The following CFAP299 variants were observed in gnomAD, a reference collection of about 807,000 sequenced individuals.
CFAP299 encodes cilia and flagella associated protein 299, also known as cilia- and flagella-associated protein 299.
In CFAP299, 21 loss-of-function variants were observed where a neutral mutation model predicts 27.0. That is an observed-to-expected ratio of 0.78 (90% CI 0.55 to 1.12). CFAP299 has a LOEUF of 1.12. CFAP299 is among the 50% of genes most tolerant of loss of function. The probability of loss-of-function intolerance (pLI) is 0.00; values close to 1 mark genes in which losing one functional copy is unlikely to be tolerated. For synonymous variants in CFAP299, 104 were observed against 98.1 expected (o/e 1.06, Z -0.36); for missense variants, 310 against 276.6 (o/e 1.12, Z -0.86).
intron 3 of CFAP299, among the ~76,000 whole-genome samples, chr4:80,858,255 C>A (rs1191130937): frequency 6.6e-6 from 1 of 151,806 alleles, no homozygotes; most frequent in African/African-American, 2.4e-5. Flanking sequence ...GTGGTGATAT[C>A]CCCTTTATCA....
chr4:80,935,145 G>A (rs1366403645), intron 4 of CFAP299, among the ~76,000 whole-genome samples: 4 of 151,932 alleles, frequency 2.6e-5, no homozygotes, highest in Admixed American at 6.6e-5. Context: ...GGTTAGGAAC[G>A]TGGTGTTTGA....
intron 5 of CFAP299, among the ~76,000 whole-genome samples, chr4:80,958,957 T>G (rs1208411742): frequency 6.6e-6 from 1 of 152,196 alleles, no homozygotes; most frequent in Non-Finnish European, 1.5e-5. Flanking sequence ...AACAGTACTA[T>G]CAATAAACTA....
At chr4:80,777,002 CT>C (rs1202543946) in intron 3 of CFAP299, among the ~76,000 whole-genome samples, 1 of 151,686 alleles carries the variant, frequency 6.6e-6, no homozygotes, top group Non-Finnish European at 1.5e-5. Flanking sequence ...TAATTGTTTC[CT>C]TTTTTGATGA....
At chr4:80,346,282 G>C in intron 1 of CFAP299, among the ~76,000 whole-genome samples, 1 of 152,180 alleles carries the variant, frequency 6.6e-6, no homozygotes, top group Non-Finnish European at 1.5e-5. Flanking sequence ...AGTTTAATGA[G>C]ATCCCATTTG....
chr4:80,610,738 T>G (rs554023972), intron 3 of CFAP299, among the ~76,000 whole-genome samples: 1 of 152,062 alleles, frequency 6.6e-6, no homozygotes, highest in East Asian at 1.9e-4. Context: ...TGCAAACCCA[T>G]CGATTCTATT....
At chr4:80,706,587 G>A (rs771354801) in intron 3 of CFAP299, among the ~76,000 whole-genome samples, 6 of 151,838 alleles carry the variant, frequency 4.0e-5, no homozygotes, top group Non-Finnish European at 5.9e-5. Context: ...TTAAAATTTT[G>A]TAGATACATT....
At position 80,555,846 on chromosome 4, in the gene CFAP299, C is replaced by T. The variant is rs115573510; in HGVS notation, c.243-27247C>T. On this transcript the variant is annotated intron_variant, in intron 2 of 5. Transcript: ENST00000358105. ...TTTCTGTGGGGCCAGTGGTAACATTCCTATCATTTCTAGTTGTGTTTATTT... is the reference window on the plus strand; with the variant it reads ...TTTCTGTGGGGCCAGTGGTAACATTTCTATCATTTCTAGTTGTGTTTATTT... Among the ~76,000 whole-genome samples the T allele has an allele frequency of 6.8e-3, 1,040 of 152,044 alleles. 13 individuals are homozygous for T. The highest frequency in any genetic ancestry group is 0.024 in the African/African-American group (998 of 41,510).
chr4:80,362,702 A>G (rs1723613151), intron 1 of CFAP299, 52 bp from the exon 2 acceptor site: 2 of 1,536,838 alleles, frequency 1.3e-6, no homozygotes, highest in Non-Finnish European at 1.7e-6. Context: ...TAAGTAAGTA[A>G]AAATAGTATG....
chr4:80,922,455 C>T (rs1192899704), intron 4 of CFAP299, among the ~76,000 whole-genome samples: 14 of 151,992 alleles, frequency 9.2e-5, no homozygotes, highest in African/African-American at 4.8e-5. Flanking sequence ...AGTTTGCAGA[C>T]TCATTCTATG....
intron 3 of CFAP299, among the ~76,000 whole-genome samples, chr4:80,848,125 G>A (rs1731284226): frequency 6.6e-6 from 1 of 151,844 alleles, no homozygotes; most frequent in African/African-American, 2.4e-5. Flanking sequence ...GTAGAAGAAT[G>A]GCTTGCACCT....
intron 5 of CFAP299, among the ~76,000 whole-genome samples, chr4:80,957,951 T>C (rs1035659603): frequency 6.6e-6 from 1 of 152,184 alleles, no homozygotes; most frequent in Admixed American, 6.5e-5. Context: ...TAAGTTTGCA[T>C]TGTAAATTCT....
intron 3 of CFAP299, among the ~76,000 whole-genome samples, chr4:80,827,813 A>T (rs1332986262): frequency 6.6e-6 from 1 of 152,044 alleles, no homozygotes; most frequent in Non-Finnish European, 1.5e-5. Flanking sequence ...TACAGGTTCC[A>T]CTAATATGTC....
In CFAP299 at chr4:80,591,104, A is replaced by ATTTTTTTTTTTTTTTTTTTTT. The variant is rs1339201630; in HGVS notation, c.333+7921_333+7922insTTTTTTTTTTTTTTTTTTTTT. ...AGAAACAGATTATAATACTTTAGGA[A>ATTTTTTTTTTTTTTTTTTTTT]ATTTTTTTTTTTTTTTTTTTTTTTT... On this transcript the variant is annotated intron_variant, in intron 3 of 5. Coordinates refer to ENST00000358105, the MANE Select transcript of CFAP299 (RefSeq NM_152770.3). 2.1e-4 allele frequency among the ~76,000 whole-genome samples: 25 copies of ATTTTTTTTTTTTTTTTTTTTT among 116,498 alleles called. 6 individuals are homozygous for ATTTTTTTTTTTTTTTTTTTTT. Among genetic ancestry groups the ATTTTTTTTTTTTTTTTTTTTT allele is most frequent in the Non-Finnish European group, 2.9e-4 (17 of 58,340 alleles). 76.4% of individuals were successfully genotyped at this position (116,498 alleles called of 152,430 possible).
intron 1 of CFAP299, among the ~76,000 whole-genome samples, chr4:80,355,599 A>G (rs1047327693): frequency 6.6e-6 from 1 of 151,806 alleles, no homozygotes; most frequent in Non-Finnish European, 1.5e-5. Flanking sequence ...CTCATGATCC[A>G]TCTGCCTCGG....
chr4:80,386,727 C>T, intron 2 of CFAP299: 4 of 1,557,966 alleles, frequency 2.6e-6, no homozygotes, highest in East Asian at 2.3e-5. Context: ...AGCTTCATGC[C>T]GGAGTGGGAG....
intron 2 of CFAP299, among the ~76,000 whole-genome samples, chr4:80,475,562 A>T (rs760272392): frequency 6.6e-6 from 1 of 152,206 alleles, no homozygotes; most frequent in Non-Finnish European, 1.5e-5. Context: ...GATGAGGACA[A>T]CTGAGAGAGG....
intron 4 of CFAP299, among the ~76,000 whole-genome samples, chr4:80,909,617 A>T (rs1735367736): frequency 6.6e-6 from 1 of 151,902 alleles, no homozygotes. Flanking sequence ...GTTTTCTTCT[A>T]CATTTTTTCA....
At chr4:80,581,457 T>G (rs62305164) in intron 2 of CFAP299, among the ~76,000 whole-genome samples, 1,273 of 24,210 alleles carry the variant, frequency 0.053, 9 homozygotes, top group Non-Finnish European at 0.1. Flanking sequence ...AAGTGAGATA[T>G]ATATATATAT....
chr4:80,462,470 C>T (rs554726519), intron 2 of CFAP299, among the ~76,000 whole-genome samples: 14 of 152,266 alleles, frequency 9.2e-5, no homozygotes, highest in African/African-American at 3.4e-4. Flanking sequence ...AACCAGCACT[C>T]CTCAGGTCTT....
Sources: gnomAD v4.1 joint callset for allele counts (sites outside exome capture counted in the v4.1 genomes callset) on GRCh38, gnomAD v4.1.1 for gene constraint, MANE v1.5 for transcripts, NCBI Gene and HGNC (gene_info 2026-07-23, HGNC 2026-07-21) for gene names.